Variants in SHISA6 observed in about 807,000 individuals in gnomAD.
The protein encoded by SHISA6 is protein shisa-6.
SHISA6 carries 22 observed loss-of-function variants against 47.9 expected under a neutral mutation model. The observed-to-expected ratio is 0.46, with a 90% CI of 0.33 to 0.66. The LOEUF (loss-of-function observed/expected upper bound fraction) is 0.66, where lower values mean the gene tolerates loss of function less well. SHISA6 is among the 30% of genes least tolerant of loss of function. The probability of loss-of-function intolerance (pLI) is 0.02; values close to 1 mark genes in which losing one functional copy is unlikely to be tolerated. For synonymous variants in SHISA6, 388 were observed against 337.8 expected (o/e 1.15, Z -1.63); for missense variants, 680 against 764.6 (o/e 0.89, Z 1.30).
At position 11,557,979 on chromosome 17, in the gene SHISA6, A is replaced by C; in HGVS notation, c.1331A>C (p.Glu444Ala). The change falls in exon 6 of 6, where the codon GAG (glutamate) becomes GCG (alanine). Residue 444 changes from glutamate to alanine, a missense_variant. Around this residue, in one of 2 missense-constraint regions of SHISA6, gnomAD observed 559 missense variants for 674.1 expected, o/e 0.83. Coordinates refer to ENST00000441885, the MANE Select transcript of SHISA6 (RefSeq NM_207386.4). ...CCCTACGACCGCATCCTGTCCGACGAGCAGCTGCTCTCCACGGAGCGCCTG... is the reference window on the plus strand; with the variant it reads ...CCCTACGACCGCATCCTGTCCGACGCGCAGCTGCTCTCCACGGAGCGCCTG... ...SMPYDRILSD[E>A]QLLSTERLHS... The C allele has an allele frequency of 6.4e-7, 1 of 1,551,524 alleles. No individual in the cohort carries two copies. The highest frequency in any genetic ancestry group is 8.7e-7 in the Non-Finnish European group (1 of 1,146,936).
chr17:11,435,283 AC>A (rs1199205787), intron 3 of SHISA6, among the ~76,000 whole-genome samples: 1 of 152,212 alleles, frequency 6.6e-6, no homozygotes. Context: ...GCTAGGAATC[AC>A]ATTTACTTGT....
intron 1 of SHISA6, among the ~76,000 whole-genome samples, chr17:11,242,869 C>T (rs1907424563): frequency 6.6e-6 from 1 of 152,108 alleles, no homozygotes. Flanking sequence ...ACCATCTTGC[C>T]CCCCAGTGAG....
At chr17:11,456,259 G>A (rs1915530230) in intron 3 of SHISA6, among the ~76,000 whole-genome samples, 1 of 152,168 alleles carries the variant, frequency 6.6e-6, no homozygotes, top group East Asian at 1.9e-4. Context: ...GATATGGATG[G>A]TCATACCGGT....
At chr17:11,313,461 C>T (rs979347450) in intron 2 of SHISA6, among the ~76,000 whole-genome samples, 1 of 152,256 alleles carries the variant, frequency 6.6e-6, no homozygotes, top group East Asian at 1.9e-4. Context: ...ATTCTTTTCT[C>T]TGTTCTAGTA....
chr17:11,316,329 CTTTT>C (rs66540376), intron 2 of SHISA6, among the ~76,000 whole-genome samples: 1 of 103,674 alleles, frequency 9.6e-6, no homozygotes, highest in African/African-American at 3.9e-5. Context: ...ATTTTCAGGT[CTTTT>C]TTTTTTTTTT....
intron 3 of SHISA6, among the ~76,000 whole-genome samples, chr17:11,546,566 C>G (rs983107045): frequency 1.1e-4 from 16 of 152,094 alleles, no homozygotes; most frequent in African/African-American, 3.6e-4. Context: ...AAAAAGGAAG[C>G]TGGGATGGCA....
chr17:11,435,284 C>T (rs1256097600), intron 3 of SHISA6, among the ~76,000 whole-genome samples: 1 of 152,146 alleles, frequency 6.6e-6, no homozygotes, highest in African/African-American at 2.4e-5. Flanking sequence ...CTAGGAATCA[C>T]ATTTACTTGT....
intron 2 of SHISA6, among the ~76,000 whole-genome samples, chr17:11,326,260 G>C (rs1183352115): frequency 2.0e-5 from 3 of 147,462 alleles, no homozygotes; most frequent in Non-Finnish European, 4.4e-5. Flanking sequence ...GACAGAGTGA[G>C]ACTCCATCAA....
chr17:11,354,740 T>C (rs1450196782), intron 2 of SHISA6, among the ~76,000 whole-genome samples: 1 of 152,150 alleles, frequency 6.6e-6, no homozygotes, highest in Non-Finnish European at 1.5e-5. Context: ...TGTGGGCACG[T>C]GCCTCCCCCA....
intron 3 of SHISA6, among the ~76,000 whole-genome samples, chr17:11,444,243 C>T (rs1259028429): frequency 2.0e-5 from 3 of 151,932 alleles, no homozygotes; most frequent in Non-Finnish European, 4.4e-5. Context: ...AACTTGAGCC[C>T]GGGAGGTAGA....
chr17:11,425,424 T>C (rs1411967059), intron 3 of SHISA6, among the ~76,000 whole-genome samples: 2 of 152,198 alleles, frequency 1.3e-5, no homozygotes, highest in African/African-American at 2.4e-5. Context: ...CCTCATCTTA[T>C]AGTTAATAGG....
At chr17:11,264,087 G>T (rs554770722) in intron 2 of SHISA6, among the ~76,000 whole-genome samples, 1 of 152,252 alleles carries the variant, frequency 6.6e-6, no homozygotes, top group South Asian at 2.1e-4. Flanking sequence ...TAACTGTGAA[G>T]AAAATGGCAG....
At chr17:11,402,575 C>T (rs1013234858) in intron 3 of SHISA6, among the ~76,000 whole-genome samples, 1 of 152,184 alleles carries the variant, frequency 6.6e-6, no homozygotes, top group African/African-American at 2.4e-5. Flanking sequence ...TTAACCTTCT[C>T]AGCTAATGTG....
chr17:11,379,634 A>G (rs912136491), intron 3 of SHISA6, 125 bp downstream of exon 3: 2 of 629,882 alleles, frequency 3.2e-6, no homozygotes, highest in African/African-American at 3.9e-5. Flanking sequence ...GTTCCATGGC[A>G]GCTTGTCCTG....
At chr17:11,253,302 C>T (rs547890598) in intron 1 of SHISA6, among the ~76,000 whole-genome samples, 21 of 100,832 alleles carry the variant, frequency 2.1e-4, no homozygotes, top group South Asian at 5.2e-4. Context: ...CAAATTGGAC[C>T]TGGGCAAAGT....
chr17:11,336,955 T>C (rs950490946), intron 2 of SHISA6, among the ~76,000 whole-genome samples: 2 of 152,118 alleles, frequency 1.3e-5, no homozygotes, highest in Non-Finnish European at 2.9e-5. Context: ...TCAAGGAAGT[T>C]GGCATCTGTG....
At chr17:11,344,083 T>A (rs1911620216) in intron 2 of SHISA6, among the ~76,000 whole-genome samples, 1 of 152,186 alleles carries the variant, frequency 6.6e-6, no homozygotes, top group East Asian at 1.9e-4. Flanking sequence ...GCTAATGACA[T>A]TAGGCATCTC....
At chr17:11,259,031 G>A (rs983063543) in intron 1 of SHISA6, among the ~76,000 whole-genome samples, 3 of 152,038 alleles carry the variant, frequency 2.0e-5, no homozygotes, top group African/African-American at 7.2e-5. Context: ...TGGATGGAGT[G>A]TTTTATGGAT....
chr17:11,266,860 A>C (rs945706846), intron 2 of SHISA6, among the ~76,000 whole-genome samples: 1 of 152,166 alleles, frequency 6.6e-6, no homozygotes, highest in Non-Finnish European at 1.5e-5. Flanking sequence ...TCCTCTGGGG[A>C]TGAAAGGAAT....
Sources: allele counts gnomAD v4.1 joint callset (sites outside exome capture counted in the v4.1 genomes callset), GRCh38; gene constraint gnomAD v4.1.1; regional missense constraint gnomAD v4.1.1; transcripts MANE v1.5; gene names NCBI Gene and HGNC (gene_info 2026-07-23, HGNC 2026-07-21).